Variants in NDUFA13 observed in about 807,000 individuals in gnomAD.
The protein encoded by NDUFA13 is NADH dehydrogenase [ubiquinone] 1 alpha subcomplex subunit 13.
A neutral mutation model predicts 17.0 loss-of-function variants in NDUFA13; 16 were observed. That is an observed-to-expected ratio of 0.94 (90% CI 0.64 to 1.43). The LOEUF is 1.43. NDUFA13 is among the 40% of genes most tolerant of loss of function. The pLI is 0.00. For synonymous variants in NDUFA13, 87 were observed against 78.4 expected, an observed-to-expected ratio of 1.11 and a Z score of -0.58; for missense variants, 228 against 206.7, an observed-to-expected ratio of 1.10 and a Z score of -0.63.
intron 1 of NDUFA13, among the ~76,000 whole-genome samples, chr19:19,520,752 C>T (rs1434694239): frequency 3.3e-5 from 5 of 152,152 alleles, no homozygotes; most frequent in African/African-American, 9.7e-5. Flanking sequence ...AAAAGAAACC[C>T]CGTCTTCCCT....
chr19:19,520,635 A>T (rs7253807), intron 1 of NDUFA13, among the ~76,000 whole-genome samples: 65,541 of 152,008 alleles, frequency 0.43, 15,527 homozygotes, highest in African/African-American at 0.63. Flanking sequence ...ATCTCAAAAA[A>T]AATAATAATA....
chr19:19,528,040 G>T lies in NDUFA13; in HGVS notation c.349G>T (p.Val117Leu). ...GESVFHTTRW[V>L]PPLIGELYGL... ...GTCTGTGTTCCACACAACCCGCTGG[G>T]TGCCCCCCTTGATCGGGGAGCTGTA... The change falls in exon 5 of 5, where the codon GTG (valine) becomes TTG (leucine). Residue 117 changes from valine (V) to leucine (L), a missense_variant. By Grantham distance (32) the Val-to-Leu change is conservative. Transcript: ENST00000507754. The T allele has an allele frequency of 6.2e-7, 1 of 1,612,634 alleles. No homozygotes were observed.
At chr19:19,525,367 G>A (rs774729223) in intron 1 of NDUFA13, among the ~76,000 whole-genome samples, 16 of 152,244 alleles carry the variant, frequency 1.1e-4, no homozygotes, top group Non-Finnish European at 2.1e-4. Flanking sequence ...AGCAGGGCCC[G>A]GCAGGCACAG....
At chr19:19,516,917 A>T (rs188658037) in intron 1 of NDUFA13, among the ~76,000 whole-genome samples, 4 of 151,970 alleles carry the variant, frequency 2.6e-5, no homozygotes, top group Admixed American at 2.6e-4. Context: ...CCTCCTGAGT[A>T]GCTGGGATTA....
chr19:19,518,582 T>TA (rs2061061210), intron 1 of NDUFA13, among the ~76,000 whole-genome samples: 1 of 136,850 alleles, frequency 7.3e-6, no homozygotes. Flanking sequence ...TTTTTTTTTT[T>TA]AGACCAGGTC....
At chr19:19,525,845 G>A (rs1420873727) in intron 1 of NDUFA13, among the ~76,000 whole-genome samples, 1 of 152,144 alleles carries the variant, frequency 6.6e-6, no homozygotes, top group African/African-American at 2.4e-5. Context: ...ACGCGGAACT[G>A]TGGCCCAGGT....
In NDUFA13 at chr19:19,516,289, G is replaced by A. The variant is rs775150533; in HGVS notation, c.51G>A (p.Gly17=). The A allele has an allele frequency of 1.9e-6, 3 of 1,613,894 alleles. No homozygotes were observed. Among genetic ancestry groups the A allele is most frequent in the South Asian group, 2.2e-5 (2 of 91,084 alleles). The part of the protein sequence containing the change: ...KQDMPPPGGY[G]PIDYKRNLPR... ...ACATGCCTCCGCCGGGGGGCTATGG[G>A]CCCATCGACTACAAACGGAACTTGC... The change falls in exon 1 of 5, where the codon GGG becomes GGA. Residue 17 remains glycine (G), a synonymous_variant. Transcript: ENST00000507754.
At chr19:19,521,978 T>C (rs1018800695) in intron 1 of NDUFA13, among the ~76,000 whole-genome samples, 15 of 152,166 alleles carry the variant, frequency 9.9e-5, no homozygotes, top group Non-Finnish European at 1.3e-4. Flanking sequence ...AGCTAATTGA[T>C]AGTTTCATTT....
intron 1 of NDUFA13, among the ~76,000 whole-genome samples, 169 bp downstream of exon 1, chr19:19,516,501 TCTTTCC>T (rs1325053884): frequency 2.0e-5 from 3 of 152,040 alleles, no homozygotes; most frequent in Admixed American, 6.5e-5. Flanking sequence ...TTTGTTGAGG[TCTTTCC>T]CAGCTCCTCT....
chr19:19,527,052 T>C (rs558022270), intron 2 of NDUFA13, among the ~76,000 whole-genome samples: 1 of 152,354 alleles, frequency 6.6e-6, no homozygotes, highest in African/African-American at 2.4e-5. Context: ...GCCAACAGTC[T>C]TGTGGGCAGT....
At chr19:19,521,864 A>G (rs1312801247) in intron 1 of NDUFA13, among the ~76,000 whole-genome samples, 1 of 150,594 alleles carries the variant, frequency 6.6e-6, no homozygotes, top group Non-Finnish European at 1.5e-5. Context: ...GGCCTCCCAA[A>G]GTGCTGGGAT....
intron 1 of NDUFA13, among the ~76,000 whole-genome samples, chr19:19,521,049 C>T (rs1466026652): frequency 6.6e-6 from 1 of 152,208 alleles, no homozygotes; most frequent in Non-Finnish European, 1.5e-5. Context: ...GAACTTTCCC[C>T]TAAGAGAGAA....
At chr19:19,517,011 T>G (rs765080421) in intron 1 of NDUFA13, among the ~76,000 whole-genome samples, 1 of 152,144 alleles carries the variant, frequency 6.6e-6, no homozygotes, top group Non-Finnish European at 1.5e-5. Context: ...GGTCTCGAAC[T>G]CCCAACCTCG....
chr19:19,516,466 T>C, intron 1 of NDUFA13, 134 bp downstream of exon 1: 1 of 932,764 alleles, frequency 1.1e-6, no homozygotes, highest in South Asian at 1.4e-5. Flanking sequence ...CATCATAGCT[T>C]CTGTAATAAC....
At chr19:19,525,859 CG>C (rs1293821407) in intron 1 of NDUFA13, among the ~76,000 whole-genome samples, 2 of 152,146 alleles carry the variant, frequency 1.3e-5, no homozygotes, top group East Asian at 3.9e-4. Context: ...CCCAGGTGGC[CG>C]GGAGCCACCA....
intron 3 of NDUFA13, 27 bp from the exon 4 acceptor site, chr19:19,527,673 AC>A: frequency 1.3e-6 from 2 of 1,507,324 alleles, no homozygotes; most frequent in Non-Finnish European, 1.8e-6. Flanking sequence ...CTGAGGCCCC[AC>A]CCCCACCATC....
chr19:19,526,281 T>A, intron 2 of NDUFA13, 21 bp downstream of exon 2: 8 of 1,613,162 alleles, frequency 5.0e-6, no homozygotes, highest in Non-Finnish European at 6.8e-6. Flanking sequence ...TGGTGGGCGT[T>A]GTCTGAAAGT....
chr19:19,527,958 G>T, intron 4 of NDUFA13, 49 bp from the exon 5 acceptor site: 1 of 1,603,368 alleles, frequency 6.2e-7, no homozygotes, highest in Non-Finnish European at 8.5e-7. Flanking sequence ...GTCCTAGCAG[G>T]CTGTATATGG....
At chr19:19,525,556 G>T (rs1055931856) in intron 1 of NDUFA13, among the ~76,000 whole-genome samples, 1 of 152,246 alleles carries the variant, frequency 6.6e-6, no homozygotes, top group African/African-American at 2.4e-5. Context: ...AGGATCTGGA[G>T]GGTGCAGGGT....
Sources: gnomAD v4.1 joint callset for allele counts (sites outside exome capture counted in the v4.1 genomes callset) on GRCh38, gnomAD v4.1.1 for gene constraint, MANE v1.5 for transcripts, NCBI Gene and HGNC (gene_info 2026-07-23, HGNC 2026-07-21) for gene names.